CSMD1: variants seen among roughly 807,000 people sequenced by gnomAD.
CSMD1 encodes the protein CUB and sushi domain-containing protein 1.
In CSMD1, 213 loss-of-function variants were observed where a neutral mutation model predicts 417.5. The ratio of observed to expected loss-of-function variants is 0.51; its 90% CI spans 0.46 to 0.57. CSMD1 has a LOEUF of 0.57. Ranked by LOEUF, CSMD1 falls within the 20% of genes least tolerant of loss-of-function variation. The pLI is 0.00. For missense variants in CSMD1, 6,923 were observed against 4,529.7 expected (o/e 1.53, Z -15.17); for synonymous variants, 2,862 against 1,736.8 (o/e 1.65, Z -16.11).
chr8:3,526,301 G>A (rs1049152454), intron 10 of CSMD1, among the ~76,000 whole-genome samples: 2 of 150,634 alleles, frequency 1.3e-5, no homozygotes, highest in African/African-American at 4.9e-5. Flanking sequence ...ATAGATATAG[G>A]CAATGTTTAA....
chr8:3,561,007 A>G (rs972730049), intron 10 of CSMD1, among the ~76,000 whole-genome samples: 28 of 152,206 alleles, frequency 1.8e-4, no homozygotes, highest in Non-Finnish European at 4.4e-5. Context: ...TTTAACAGCA[A>G]TAAAACGGCA....
intron 10 of CSMD1, among the ~76,000 whole-genome samples, chr8:3,526,925 C>T (rs1363717820): frequency 6.6e-6 from 1 of 152,042 alleles, no homozygotes; most frequent in African/African-American, 2.4e-5. Flanking sequence ...TAATGGTGTC[C>T]AGGGGATAAG....
At chr8:3,953,695 G>A (rs1222603755) in intron 5 of CSMD1, among the ~76,000 whole-genome samples, 1 of 152,108 alleles carries the variant, frequency 6.6e-6, no homozygotes, top group Non-Finnish European at 1.5e-5. Context: ...GGAGGGGTGA[G>A]GGGTGGATAG....
rs58993422 is a variant in CSMD1, at chr8:3,284,201, G to A, written c.4096C>T (p.Leu1366=). 6.2e-3 allele frequency: 10,029 copies of A among 1,607,148 alleles called. 554 individuals carry two copies. The African/African-American group carries it at 0.12, about 19-fold the overall frequency. The part of the protein sequence containing the change: ...DIHSTFNSLT[L]QFDSDFFISK... ...ATGAAGAAGTCGCTGTCGAACTGCA[G>A]GGTGAGTGAGTTGAAGGTGCTGTGG... The change falls in exon 26 of 70, where the codon CTG becomes TTG. Residue 1366 remains leucine, a synonymous_variant. Transcript: ENST00000635120.
At chr8:4,643,971 G>T (rs182121869) in intron 1 of CSMD1, among the ~76,000 whole-genome samples, 2 of 152,152 alleles carry the variant, frequency 1.3e-5, no homozygotes, top group South Asian at 4.1e-4. Flanking sequence ...CAGCGCCCTA[G>T]GGTACTTGGT....
rs556742098 is a variant in CSMD1, at chr8:4,763,385, T to C, written c.86-125827A>G. Among the ~76,000 whole-genome samples, 373 of 152,322 alleles carry C rather than the reference T, an allele frequency of 2.4e-3. 3 individuals are homozygous for C. Among genetic ancestry groups the C allele is most frequent in the Non-Finnish European group, 3.2e-3 (215 of 68,032 alleles). ...CACAGTCCTTCCTGTTCTAGGTTTT[T>C]AGGCAGTTAATTCAGTCTGTGCTGA... On this transcript the variant is annotated intron_variant, in intron 1 of 69. Transcript: ENST00000635120.
chr8:4,051,495 T>C (rs1644185605), intron 3 of CSMD1, among the ~76,000 whole-genome samples: 1 of 152,138 alleles, frequency 6.6e-6, no homozygotes, highest in Admixed American at 6.5e-5. Context: ...TTGTTGTTAT[T>C]CTGTATTTCC....
intron 5 of CSMD1, among the ~76,000 whole-genome samples, chr8:3,984,012 T>G (rs1308407261): frequency 6.7e-6 from 1 of 148,372 alleles, no homozygotes; most frequent in African/African-American, 2.5e-5. Context: ...CTGATGGGGC[T>G]GTCAATTGCA....
intron 38 of CSMD1, among the ~76,000 whole-genome samples, chr8:3,158,556 T>G (rs897372700): frequency 3.3e-5 from 5 of 151,816 alleles, no homozygotes; most frequent in African/African-American, 9.7e-5. Flanking sequence ...AAATTAACCC[T>G]CATCACTCAG....
chr8:3,858,217 C>T lies in CSMD1; in HGVS notation c.819-104175G>A, dbSNP rs550115849. Among the ~76,000 whole-genome samples the T allele has an allele frequency of 5.3e-5, 8 of 152,200 alleles. No individual in the cohort carries two copies. The South Asian group carries it at 1.7e-3, about 32-fold the overall frequency. On this transcript the variant is annotated intron_variant, in intron 5 of 69. Coordinates refer to ENST00000635120, the MANE Select transcript of CSMD1 (RefSeq NM_033225.6). Reference sequence around the variant, plus strand: ...ATTTCCATTCTTTAAAATCATAATTCAAAGTAAAAGTTATATAATATTTTG... The same window carrying T: ...ATTTCCATTCTTTAAAATCATAATTTAAAGTAAAAGTTATATAATATTTTG...
intron 6 of CSMD1, among the ~76,000 whole-genome samples, chr8:3,730,077 C>T (rs974095260): frequency 6.6e-6 from 1 of 152,006 alleles, no homozygotes; most frequent in Non-Finnish European, 1.5e-5. Context: ...TGTGATTCTG[C>T]TCTCACCCCA....
At chr8:3,243,095 G>A (rs540241786) in intron 26 of CSMD1, among the ~76,000 whole-genome samples, 14 of 152,138 alleles carry the variant, frequency 9.2e-5, no homozygotes, top group Non-Finnish European at 1.6e-4. Flanking sequence ...GAGATTGAAG[G>A]GTGGCGACAA....
intron 2 of CSMD1, among the ~76,000 whole-genome samples, chr8:4,535,329 A>G (rs539557453): frequency 1.2e-4 from 19 of 152,328 alleles, no homozygotes; most frequent in African/African-American, 4.6e-4. Context: ...GTAGTTATAG[A>G]GAAAGTATCT....
chr8:4,429,267 C>G lies in CSMD1; in HGVS notation c.303-9202G>C, dbSNP rs572087736. Among the ~76,000 whole-genome samples the G allele has an allele frequency of 2.6e-5, 4 of 152,140 alleles. No homozygotes were observed. In the South Asian group the frequency reaches 6.2e-4, roughly 24 times the overall value. ...TCATGAGATTTCAACAGTCCTATCA[C>G]TTCTTGTTGAAGAGAATAATTTCTC... On this transcript the variant is annotated intron_variant, in intron 2 of 69. Transcript: ENST00000635120.
intron 5 of CSMD1, among the ~76,000 whole-genome samples, chr8:3,934,977 G>C (rs943429095): frequency 3.9e-5 from 6 of 152,190 alleles, no homozygotes; most frequent in African/African-American, 1.2e-4. Context: ...CAGGCACCCA[G>C]ATCTAAACTC....
chr8:4,334,050 C>A (rs546159092), intron 3 of CSMD1, among the ~76,000 whole-genome samples: 6 of 151,894 alleles, frequency 4.0e-5, no homozygotes, highest in Non-Finnish European at 8.8e-5. Context: ...ACCACAACAT[C>A]GTTTCATTAA....
chr8:4,307,558 G>A (rs1798315353), intron 3 of CSMD1, among the ~76,000 whole-genome samples: 1 of 152,134 alleles, frequency 6.6e-6, no homozygotes, highest in Non-Finnish European at 1.5e-5. Context: ...TTAAAATGTT[G>A]CCTCTGCTTA....
intron 5 of CSMD1, among the ~76,000 whole-genome samples, chr8:3,785,735 G>T (rs1010925902): frequency 1.3e-4 from 20 of 152,166 alleles, no homozygotes; most frequent in African/African-American, 4.8e-4. Context: ...CCAGGGTGCG[G>T]GGAGCCAGGA....
At chr8:3,429,640 T>C (rs575345672) in intron 12 of CSMD1, among the ~76,000 whole-genome samples, 2 of 152,360 alleles carry the variant, frequency 1.3e-5, no homozygotes, top group East Asian at 3.9e-4. Context: ...TTGATGTTTA[T>C]CAAAACTCAT....
Sources: gnomAD v4.1 joint callset for allele counts (sites outside exome capture counted in the v4.1 genomes callset) on GRCh38, gnomAD v4.1.1 for gene constraint, MANE v1.5 for transcripts, NCBI Gene and HGNC (gene_info 2026-07-23, HGNC 2026-07-21) for gene names.